Variants in FAM13A observed in about 807,000 individuals in gnomAD.
FAM13A encodes the protein protein FAM13A.
In FAM13A, 76 loss-of-function variants were observed where a neutral mutation model predicts 129.6. That is an observed-to-expected ratio of 0.59 (90% confidence interval 0.49 to 0.71). The LOEUF (loss-of-function observed/expected upper bound fraction) is 0.71, where lower values mean the gene tolerates loss of function less well. Ranked by LOEUF, FAM13A falls within the 30% of genes least tolerant of loss-of-function variation. The pLI is 0.00. For missense variants in FAM13A, 1,108 were observed against 1,249.3 expected, an observed-to-expected ratio of 0.89 and a Z score of 1.70; for synonymous variants, 443 against 449.9, an observed-to-expected ratio of 0.98 and a Z score of 0.20.
intron 7 of FAM13A, among the ~76,000 whole-genome samples, chr4:88,849,211 C>T (rs1162818273): frequency 6.6e-6 from 1 of 152,152 alleles, no homozygotes; most frequent in East Asian, 1.9e-4. Flanking sequence ...GGGAGATTTA[C>T]ATCTTTCTAG....
At chr4:88,773,658 C>T (rs751406561) in intron 11 of FAM13A, among the ~76,000 whole-genome samples, 1 of 152,114 alleles carries the variant, frequency 6.6e-6, no homozygotes, top group Non-Finnish European at 1.5e-5. Flanking sequence ...CCTTTGTACT[C>T]AGTCCTTTGG....
chr4:88,789,068 TAATA>T (rs1724576489), intron 9 of FAM13A, among the ~76,000 whole-genome samples: 1 of 152,136 alleles, frequency 6.6e-6, no homozygotes, highest in Non-Finnish European at 1.5e-5. Flanking sequence ...GAGATGTACA[TAATA>T]TATAAATAAC....
chr4:88,757,617 G>A (rs1743944124), intron 14 of FAM13A, among the ~76,000 whole-genome samples: 1 of 152,236 alleles, frequency 6.6e-6, no homozygotes, highest in Admixed American at 6.5e-5. Context: ...GAAAATATCT[G>A]ACAAAATCTG....
chr4:88,885,191 C>T (rs898484991), intron 6 of FAM13A, among the ~76,000 whole-genome samples: 5 of 151,982 alleles, frequency 3.3e-5, no homozygotes, highest in African/African-American at 9.7e-5. Flanking sequence ...CAAAAAAGAG[C>T]CTGAATGGCC....
intron 10 of FAM13A, among the ~76,000 whole-genome samples, chr4:88,782,414 A>C (rs1383663238): frequency 6.6e-6 from 1 of 152,156 alleles, no homozygotes; most frequent in Non-Finnish European, 1.5e-5. Flanking sequence ...GAGTGAGTTA[A>C]TGTACCTCCC....
At chr4:88,801,528 A>C (rs1271495671) in intron 8 of FAM13A, among the ~76,000 whole-genome samples, 2 of 152,200 alleles carry the variant, frequency 1.3e-5, no homozygotes, top group African/African-American at 4.8e-5. Flanking sequence ...TGGAGCATTA[A>C]ATGAGAAAAC....
chr4:88,896,327 G>A lies in FAM13A; in HGVS notation c.843+10052C>T, dbSNP rs544477470. Reference sequence around the variant, plus strand: ...GGAGATACACCTAATGCTAGATGACGAGTTAGTGGGTGCAGCACACCAGCG... The same window carrying A: ...GGAGATACACCTAATGCTAGATGACAAGTTAGTGGGTGCAGCACACCAGCG... On this transcript the variant is annotated intron_variant, in intron 6 of 23. Coordinates refer to ENST00000264344, the MANE Select transcript of FAM13A (RefSeq NM_014883.4). 2.0e-3 allele frequency among the ~76,000 whole-genome samples: 303 copies of A among 151,626 alleles called. 2 individuals carry two copies. Among genetic ancestry groups the A allele is most frequent in the African/African-American group, 6.8e-3 (280 of 41,336 alleles).
chr4:88,752,741 G>A (rs1433184641), intron 14 of FAM13A, among the ~76,000 whole-genome samples: 1 of 152,142 alleles, frequency 6.6e-6, no homozygotes, highest in Non-Finnish European at 1.5e-5. Flanking sequence ...GAAGTAAGGA[G>A]GGGGGACTGG....
At chr4:88,906,349 A>C in intron 6 of FAM13A, 30 bp downstream of exon 6, 1 of 1,373,430 alleles carries the variant, frequency 7.3e-7, no homozygotes, top group South Asian at 1.2e-5. Flanking sequence ...AAGATTTCAC[A>C]TGGTCGCCTA....
At chr4:88,884,975 C>T (rs1744173669) in intron 6 of FAM13A, among the ~76,000 whole-genome samples, 2 of 152,074 alleles carry the variant, frequency 1.3e-5, no homozygotes, top group African/African-American at 2.4e-5. Flanking sequence ...AGGAAAACTA[C>T]AAAACACTGC....
At chr4:88,869,724 A>G (rs1741034005) in intron 6 of FAM13A, among the ~76,000 whole-genome samples, 1 of 152,222 alleles carries the variant, frequency 6.6e-6, no homozygotes, top group African/African-American at 2.4e-5. Context: ...TATCAACTTC[A>G]ATATCTGAAT....
intron 1 of FAM13A, among the ~76,000 whole-genome samples, chr4:89,035,457 G>T (rs1041832353): frequency 2.1e-5 from 3 of 143,692 alleles, no homozygotes; most frequent in African/African-American, 2.6e-5. Context: ...AAAAAGGAAA[G>T]AAAGAAAGAA....
intron 8 of FAM13A, among the ~76,000 whole-genome samples, chr4:88,799,692 C>T (rs1342184079): frequency 6.6e-6 from 1 of 152,180 alleles, no homozygotes; most frequent in Admixed American, 6.5e-5. Flanking sequence ...ACCATATTGT[C>T]CACGATGGTC....
At chr4:88,819,714 T>G (rs1731508594) in intron 7 of FAM13A, among the ~76,000 whole-genome samples, 1 of 152,214 alleles carries the variant, frequency 6.6e-6, no homozygotes, top group Non-Finnish European at 1.5e-5. Context: ...TGATATTATT[T>G]TATTTTTCTC....
intron 7 of FAM13A, among the ~76,000 whole-genome samples, chr4:88,843,852 C>G (rs1255224097): frequency 6.6e-6 from 1 of 152,168 alleles, no homozygotes; most frequent in African/African-American, 2.4e-5. Flanking sequence ...ACAAGATGGA[C>G]AGCGATGATG....
At chr4:88,972,642 C>G (rs1579567525) in intron 4 of FAM13A, among the ~76,000 whole-genome samples, 1 of 151,994 alleles carries the variant, frequency 6.6e-6, no homozygotes, top group African/African-American at 2.4e-5. Context: ...GAGTCTCACT[C>G]TGTTGCCTAG....
intron 4 of FAM13A, among the ~76,000 whole-genome samples, chr4:88,983,013 G>C (rs1419315687): frequency 6.6e-6 from 1 of 152,160 alleles, no homozygotes; most frequent in Admixed American, 6.5e-5. Flanking sequence ...GACTCAACTA[G>C]GGATTTATCT....
chr4:89,029,573 A>C lies in FAM13A; in HGVS notation c.104T>G (p.Phe35Cys), dbSNP rs1193821107. The stretch of plus-strand genomic sequence containing the variant: ...GACTCCAAATAACTTCTGATAGGTA[A>C]AATCCTTCTGTTCATTTAATGGCAC... The part of the protein sequence containing the change: ...VAVPLNEQKD[F>C]TYQKLFGVSL... The change falls in exon 2 of 24, where the codon TTT becomes TGT. Residue 35 changes from phenylalanine (F) to cysteine (C), a missense_variant. By Grantham distance (205) the Phe-to-Cys change is radical (BLOSUM62 -2). This residue lies in a region of FAM13A where 566 missense variants were observed against 595.7 expected (regional missense o/e 0.95). Coordinates refer to ENST00000264344, the MANE Select transcript of FAM13A (RefSeq NM_014883.4). 4 of 1,593,132 alleles carry C rather than the reference A, an allele frequency of 2.5e-6. No homozygotes were observed. The East Asian group carries it at 9.1e-5, about 36-fold the overall frequency.
chr4:88,971,644 C>T (rs1175179381), intron 4 of FAM13A, among the ~76,000 whole-genome samples: 1 of 151,984 alleles, frequency 6.6e-6, no homozygotes, highest in Non-Finnish European at 1.5e-5. Context: ...GTAGCTGGGA[C>T]TATAAGAACA....
Sources: gnomAD v4.1 joint callset for allele counts (sites outside exome capture counted in the v4.1 genomes callset) on GRCh38, gnomAD v4.1.1 for gene constraint, gnomAD v4.1.1 regional missense constraint, MANE v1.5 for transcripts, NCBI Gene and HGNC (gene_info 2026-07-23, HGNC 2026-07-21) for gene names.